Variants in GPRC6A observed in about 807,000 individuals in gnomAD.
The protein encoded by GPRC6A is G protein-coupled receptor family C group 6 member A.
Under a neutral mutation model 47.0 loss-of-function variants are expected in GPRC6A, and 54 were observed. The ratio of observed to expected loss-of-function variants is 1.15; its 90% CI spans 0.92 to 1.44. The LOEUF (loss-of-function observed/expected upper bound fraction) is 1.44, where lower values mean the gene tolerates loss of function less well. GPRC6A is among the 40% of genes most tolerant of loss of function. The probability of loss-of-function intolerance (pLI) is 0.00; values close to 1 mark genes in which losing one functional copy is unlikely to be tolerated. For missense variants in GPRC6A, 1,112 were observed against 1,105.5 expected (o/e 1.01, Z -0.08); for synonymous variants, 347 against 377.1 (o/e 0.92, Z 0.93).
At chr6:116,804,677 A>G (rs531621433) in intron 3 of GPRC6A, among the ~76,000 whole-genome samples, 1 of 152,218 alleles carries the variant, frequency 6.6e-6, no homozygotes, top group South Asian at 2.1e-4. Flanking sequence ...TTTAAATAAA[A>G]CATTTTAGGA....
At chr6:116,796,615 C>T (rs1772495977) in intron 4 of GPRC6A, among the ~76,000 whole-genome samples, 1 of 152,134 alleles carries the variant, frequency 6.6e-6, no homozygotes, top group Non-Finnish European at 1.5e-5. Flanking sequence ...TCAAGATTCT[C>T]TTATCCATAA....
intron 1 of GPRC6A, among the ~76,000 whole-genome samples, chr6:116,812,409 G>A (rs34838771): frequency 6.6e-6 from 1 of 152,104 alleles, no homozygotes; most frequent in Non-Finnish European, 1.5e-5. Flanking sequence ...GCTTATCATG[G>A]TGAAAACACA....
At chr6:116,799,416 G>A (rs2114584034) in intron 4 of GPRC6A, among the ~76,000 whole-genome samples, 1 of 152,296 alleles carries the variant, frequency 6.6e-6, no homozygotes, top group African/African-American at 2.4e-5. Flanking sequence ...AGGAGACAGA[G>A]AATTAGTGGC....
chr6:116,792,519 A>G lies in GPRC6A; in HGVS notation c.2404T>C (p.Tyr802His), dbSNP rs1188868167. 2 of 1,613,884 alleles carry G rather than the reference A, an allele frequency of 1.2e-6. No individual in the cohort carries two copies. The highest frequency in any genetic ancestry group is 4.5e-5 in the East Asian group (2 of 44,888). Reference protein sequence around the residue: ...FIAWITFIPIYATTFGKYVPA... With the variant: ...FIAWITFIPIHATTFGKYVPA... ...ACATATTTGCCAAATGTGGTAGCAT[A>G]GATAGGGATGAATGTGATCCAAGCT... The change falls in exon 6 of 6, where the codon TAT (tyrosine) becomes CAT (histidine). Residue 802 changes from tyrosine (Y) to histidine (H), a missense_variant. By Grantham distance (83) the Tyr-to-His change is moderately conservative. Coordinates refer to ENST00000310357, the MANE Select transcript of GPRC6A (RefSeq NM_148963.4).
At chr6:116,813,266 T>C (rs1332333755) in intron 1 of GPRC6A, among the ~76,000 whole-genome samples, 1 of 152,198 alleles carries the variant, frequency 6.6e-6, no homozygotes, top group Non-Finnish European at 1.5e-5. Flanking sequence ...ACTTTAAAGT[T>C]CATATGGAAC....
At chr6:116,817,896 T>C (rs1393338466) in intron 1 of GPRC6A, among the ~76,000 whole-genome samples, 2 of 151,922 alleles carry the variant, frequency 1.3e-5, no homozygotes, top group African/African-American at 2.4e-5. Context: ...AGACCAAATC[T>C]ACGTCTGATT....
At chr6:116,800,913 T>C in intron 3 of GPRC6A, 117 bp from the exon 4 acceptor site, 1 of 654,524 alleles carries the variant, frequency 1.5e-6, no homozygotes, top group Non-Finnish European at 2.6e-6. Flanking sequence ...GAAAAAAGAT[T>C]ATAAATCACT....
chr6:116,808,606 T>C (rs1455931150), intron 2 of GPRC6A, among the ~76,000 whole-genome samples: 3 of 152,170 alleles, frequency 2.0e-5, no homozygotes, highest in African/African-American at 7.2e-5. Flanking sequence ...ACATTCATTA[T>C]GTTATATATA....
intron 4 of GPRC6A, among the ~76,000 whole-genome samples, chr6:116,799,452 A>C (rs900689491): frequency 3.3e-5 from 5 of 152,190 alleles, no homozygotes; most frequent in African/African-American, 1.2e-4. Context: ...AAAATCAAGG[A>C]AATGTAGTGT....
intron 3 of GPRC6A, among the ~76,000 whole-genome samples, chr6:116,804,418 G>T (rs1772775936): frequency 6.6e-6 from 1 of 152,068 alleles, no homozygotes; most frequent in African/African-American, 2.4e-5. Flanking sequence ...TAATCCTTAA[G>T]AATGTATCAT....
Position 116,828,990 on chromosome 6 carries a change from AAT to A in GPRC6A, c.22_23del (p.Ile8TyrfsTer17). On this transcript the variant is annotated frameshift_variant, in exon 1 of 6. Transcript: ENST00000310357. LOFTEE classifies it high-confidence loss of function. The stretch of plus-strand genomic sequence containing the variant: ...TAGCAAGAATAATCACAAAGCAGGT[AAT>A]TAGTATAATTAAGAATGCCATGTTT... MAFLIILITCFVIILATS... is the reference protein window; with the variant it reads MAFLIILXTCFVIILATS... 1 of 1,612,080 alleles carries A rather than the reference AAT, an allele frequency of 6.2e-7. No individual in the cohort carries two copies. The highest frequency in any genetic ancestry group is 1.3e-5 in the African/African-American group (1 of 74,976).
intron 1 of GPRC6A, among the ~76,000 whole-genome samples, chr6:116,825,042 C>T (rs1773636021): frequency 1.3e-5 from 2 of 152,006 alleles, no homozygotes; most frequent in South Asian, 2.1e-4. Flanking sequence ...CAACACCTTT[C>T]ATGATAAAAA....
At chr6:116,795,574 A>C in intron 5 of GPRC6A, 138 bp downstream of exon 5, 1 of 611,802 alleles carries the variant, frequency 1.6e-6, no homozygotes. Context: ...ATGAAATTTC[A>C]CTGGAATTTA....
chr6:116,818,316 C>T (rs1036336791), intron 1 of GPRC6A, among the ~76,000 whole-genome samples: 40 of 147,894 alleles, frequency 2.7e-4, no homozygotes, highest in South Asian at 4.3e-4. Context: ...GGGCGGATCA[C>T]GAGGTCAGGA....
intron 1 of GPRC6A, 119 bp from the exon 2 acceptor site, chr6:116,809,736 A>T: frequency 1.6e-6 from 1 of 629,412 alleles, no homozygotes; most frequent in Non-Finnish European, 2.7e-6. Flanking sequence ...TTATCTCTTA[A>T]ATGATCTAAA....
intron 1 of GPRC6A, among the ~76,000 whole-genome samples, chr6:116,825,691 T>A (rs375268106): frequency 1.1e-4 from 17 of 152,018 alleles, no homozygotes; most frequent in African/African-American, 4.1e-4. Flanking sequence ...CAACATCATT[T>A]TTCACAGATA....
chr6:116,814,367 A>G (rs1439203308), intron 1 of GPRC6A, among the ~76,000 whole-genome samples: 5 of 152,226 alleles, frequency 3.3e-5, no homozygotes, highest in East Asian at 3.8e-4. Context: ...ATGTCCATCA[A>G]TAATAGACTG....
At chr6:116,818,307 G>T (rs1162087949) in intron 1 of GPRC6A, among the ~76,000 whole-genome samples, 4 of 151,102 alleles carry the variant, frequency 2.6e-5, no homozygotes, top group African/African-American at 9.7e-5. Flanking sequence ...GGCCGAGGCG[G>T]GCGGATCACG....
At position 116,796,080 on chromosome 6, in the gene GPRC6A, C is replaced by T. The variant is rs1376484505; in HGVS notation, c.1549-245G>A. ...TCTGTAAGCAAATTATGGAAATTAG[C>T]CCTTTCAGAAAGTCCCTAGTAGAGG... On this transcript the variant is annotated intron_variant, in intron 4 of 5. Transcript: ENST00000310357. Among the ~76,000 whole-genome samples, 3 of 152,010 alleles carry T rather than the reference C, an allele frequency of 2.0e-5. No homozygotes were observed. The East Asian group carries it at 5.8e-4, about 29-fold the overall frequency.
Sources: allele counts gnomAD v4.1 joint callset (sites outside exome capture counted in the v4.1 genomes callset), GRCh38; gene constraint gnomAD v4.1.1; transcripts MANE v1.5; gene names NCBI Gene and HGNC (gene_info 2026-07-23, HGNC 2026-07-21).